Variants in XIRP2 observed in about 807,000 individuals in gnomAD.
The protein encoded by XIRP2 is xin actin binding repeat containing 2, also known as xin actin-binding repeat-containing protein 2.
XIRP2 carries 236 observed loss-of-function variants against 277.0 expected under a neutral mutation model. That is an observed-to-expected ratio of 0.85 (90% CI 0.77 to 0.95). The LOEUF (loss-of-function observed/expected upper bound fraction) is 0.95, where lower values mean the gene tolerates loss of function less well. XIRP2 is among the 40% of genes least tolerant of loss of function. The pLI is 0.00. For missense variants in XIRP2, 4,640 were observed against 4,157.5 expected, an observed-to-expected ratio of 1.12 and a Z score of -3.19; for synonymous variants, 1,490 against 1,416.5, an observed-to-expected ratio of 1.05 and a Z score of -1.17.
intron 2 of XIRP2, among the ~76,000 whole-genome samples, chr2:167,064,466 T>C (rs1689252536): frequency 6.6e-6 from 1 of 151,968 alleles, no homozygotes; most frequent in Non-Finnish European, 1.5e-5. Context: ...AAATACATGC[T>C]TTAAACTATA....
chr2:166,904,348 T>A (rs1684463667), intron 2 of XIRP2, among the ~76,000 whole-genome samples: 1 of 152,132 alleles, frequency 6.6e-6, no homozygotes, highest in African/African-American at 2.4e-5. Context: ...AAGCCTGCCA[T>A]TAACTTCTCT....
At chr2:167,229,244 C>A (rs1322679912) in intron 5 of XIRP2, among the ~76,000 whole-genome samples, 1 of 152,068 alleles carries the variant, frequency 6.6e-6, no homozygotes, top group East Asian at 1.9e-4. Flanking sequence ...ATTGCCCTTT[C>A]TATCTGAAGG....
At chr2:167,253,876 G>A (rs1236374994) in intron 9 of XIRP2, among the ~76,000 whole-genome samples, 156 bp from the exon 10 acceptor site, 1 of 151,786 alleles carries the variant, frequency 6.6e-6, no homozygotes, top group African/African-American at 2.4e-5. Context: ...CTGATGATAG[G>A]TTAGTCTCTG....
At chr2:166,947,279 G>T (rs1339501845) in intron 2 of XIRP2, among the ~76,000 whole-genome samples, 2 of 152,208 alleles carry the variant, frequency 1.3e-5, no homozygotes, top group South Asian at 2.1e-4. Context: ...TAGCATTTTT[G>T]AATCTTCCAT....
chr2:167,165,228 C>A (rs901359630), intron 3 of XIRP2, among the ~76,000 whole-genome samples: 1 of 152,170 alleles, frequency 6.6e-6, no homozygotes, highest in African/African-American at 2.4e-5. Flanking sequence ...TATGCCACCG[C>A]TTTTTGTCCA....
In XIRP2 at chr2:167,243,123, T is replaced by C; in HGVS notation, c.1731T>C (p.Ile577=). Residue 577 remains isoleucine, a synonymous_variant, in exon 9 of 11, where the codon ATT becomes ATC. Transcript: ENST00000409195. ...DEILKGEVQS[I]RWIFENQPLD... The stretch of plus-strand genomic sequence containing the variant: ...TTCTGAAGGGAGAGGTGCAGTCCAT[T>C]AGATGGATCTTTGAGAATCAACCAT... The C allele has an allele frequency of 6.2e-7, 1 of 1,614,096 alleles. No individual in the cohort carries two copies. The highest frequency in any genetic ancestry group is 8.5e-7 in the Non-Finnish European group (1 of 1,179,988).
At chr2:167,024,732 T>C (rs1314387674) in intron 2 of XIRP2, among the ~76,000 whole-genome samples, 1 of 152,154 alleles carries the variant, frequency 6.6e-6, no homozygotes, top group Non-Finnish European at 1.5e-5. Flanking sequence ...TTGTCTTTGG[T>C]TCTGTTTATA....
intron 3 of XIRP2, among the ~76,000 whole-genome samples, chr2:167,196,620 G>A (rs771333014): frequency 5.3e-5 from 8 of 152,060 alleles, no homozygotes; most frequent in East Asian, 1.9e-4. Context: ...CAGGATTAGC[G>A]AGGTTTGTGA....
chr2:167,076,214 T>C (rs1689566843), intron 2 of XIRP2, among the ~76,000 whole-genome samples: 1 of 152,212 alleles, frequency 6.6e-6, no homozygotes, highest in South Asian at 2.1e-4. Context: ...GGTGTTCAAA[T>C]GATAAATAAA....
intron 2 of XIRP2, among the ~76,000 whole-genome samples, chr2:167,046,915 C>T (rs1223998982): frequency 2.6e-5 from 4 of 151,280 alleles, no homozygotes; most frequent in African/African-American, 9.7e-5. Flanking sequence ...ATTTACCCCT[C>T]GAACATGAAA....
At chr2:167,233,511 A>T (rs1242133240) in intron 5 of XIRP2, among the ~76,000 whole-genome samples, 1 of 151,812 alleles carries the variant, frequency 6.6e-6, no homozygotes, top group Non-Finnish European at 1.5e-5. Context: ...ATGGGCCTGA[A>T]GTTCTAGGGT....
chr2:167,016,771 A>G (rs1687837788), intron 2 of XIRP2, among the ~76,000 whole-genome samples: 1 of 151,958 alleles, frequency 6.6e-6, no homozygotes, highest in Non-Finnish European at 1.5e-5. Context: ...AGGAAGGAGG[A>G]TGGAGTATGA....
At chr2:167,214,262 A>AAGGAAGGAAG (rs1694169411) in intron 4 of XIRP2, among the ~76,000 whole-genome samples, 2 of 89,516 alleles carry the variant, frequency 2.2e-5, no homozygotes, top group African/African-American at 5.4e-5. Context: ...GGAAGGAAAG[A>AAGGAAGGAAG]GAGAGAGAGA....
Position 167,251,517 on chromosome 2 carries a change from A to G in XIRP2, c.10125A>G (p.Glu3375=), listed in dbSNP as rs781210103. The change falls in exon 9 of 11, where the codon GAA becomes GAG. Residue 3375 remains glutamate, a synonymous_variant. Coordinates refer to ENST00000409195, the MANE Select transcript of XIRP2 (RefSeq NM_152381.6). ...AAAGTCGTACATTTTGTAAGGAGGA[A>G]TTTGGATTAACATCTTTAGGAAACA... ...QQESRTFCKE[E]FGLTSLGNTS... The G allele has an allele frequency of 6.2e-7, 1 of 1,613,538 alleles. No individual in the cohort carries two copies. Among genetic ancestry groups the G allele is most frequent in the Non-Finnish European group, 8.5e-7 (1 of 1,179,644 alleles).
In XIRP2 at chr2:167,244,068, T is replaced by C; in HGVS notation, c.2676T>C (p.Asp892=). ...TTGAAGCATTAAAAGACAGTCCTGA[T>C]ATAGGAAAGCTTCAAAAAATCACTG... ...LPIEALKDSP[D]IGKLQKITAS... The change falls in exon 9 of 11, where the codon GAT becomes GAC. Residue 892 remains aspartate (D), a synonymous_variant. Transcript: ENST00000409195. 2 of 1,613,838 alleles carry C rather than the reference T, an allele frequency of 1.2e-6. No homozygotes were observed. Among genetic ancestry groups the C allele is most frequent in the Non-Finnish European group, 1.7e-6 (2 of 1,179,898 alleles).
In XIRP2 at chr2:167,245,838, G is replaced by T. The variant is rs751966035; in HGVS notation, c.4446G>T (p.Val1482=). ...ENIKTVTQED[V]QKGDVKQAVW... ...TCAAGACAGTCACTCAGGAAGATGT[G>T]CAGAAAGGTGATGTTAAGCAGGCTG... The change falls in exon 9 of 11, where the codon GTG becomes GTT. Residue 1482 remains valine, a synonymous_variant. Coordinates refer to ENST00000409195, the MANE Select transcript of XIRP2 (RefSeq NM_152381.6). 4.8e-5 allele frequency: 78 copies of T among 1,613,616 alleles called. No homozygotes were observed. Among genetic ancestry groups the T allele is most frequent in the Non-Finnish European group, 6.4e-5 (76 of 1,179,788 alleles).
chr2:167,134,498 G>A (rs1164808249), intron 2 of XIRP2, among the ~76,000 whole-genome samples: 1 of 151,994 alleles, frequency 6.6e-6, no homozygotes, highest in African/African-American at 2.4e-5. Context: ...ACTCACTCAT[G>A]TCTGTGTACT....
At chr2:166,950,349 G>C (rs141987625) in intron 2 of XIRP2, among the ~76,000 whole-genome samples, 2 of 151,914 alleles carry the variant, frequency 1.3e-5, no homozygotes, top group Non-Finnish European at 2.9e-5. Flanking sequence ...TATTATATCT[G>C]CCTTTCCGTT....
intron 2 of XIRP2, among the ~76,000 whole-genome samples, chr2:166,961,351 A>G (rs1686291512): frequency 6.6e-6 from 1 of 151,784 alleles, no homozygotes; most frequent in Admixed American, 6.6e-5. Flanking sequence ...TGGAGATTTC[A>G]GAATTGATGT....
Sources: allele counts gnomAD v4.1 joint callset (sites outside exome capture counted in the v4.1 genomes callset), GRCh38; gene constraint gnomAD v4.1.1; transcripts MANE v1.5; gene names NCBI Gene and HGNC (gene_info 2026-07-23, HGNC 2026-07-21).